CTNND2: variants seen among roughly 807,000 people sequenced by gnomAD.
The protein encoded by CTNND2 is catenin delta 2.
In CTNND2, 22 loss-of-function variants were observed where a neutral mutation model predicts 144.4. The observed-to-expected ratio is 0.15, with a 90% confidence interval of 0.11 to 0.22. The LOEUF is 0.22. Among genes scored for constraint, CTNND2 ranks in the 10% least tolerant of loss-of-function variants. The pLI, the probability that CTNND2 is intolerant of heterozygous loss-of-function variation, is 1.00. For synonymous variants in CTNND2, 751 were observed against 695.6 expected (o/e 1.08, Z -1.25); for missense variants, 1,353 against 1,618.8 (o/e 0.84, Z 2.82).
chr5:11,826,328 T>A (rs1231012691), intron 1 of CTNND2, among the ~76,000 whole-genome samples: 2 of 152,020 alleles, frequency 1.3e-5, no homozygotes, highest in Non-Finnish European at 2.9e-5. Context: ...ATCCTATAAC[T>A]ACTAGGTAAA....
intron 2 of CTNND2, among the ~76,000 whole-genome samples, chr5:11,671,421 T>G (rs1445152239): frequency 6.6e-6 from 1 of 152,120 alleles, no homozygotes; most frequent in Non-Finnish European, 1.5e-5. Context: ...ACCAATCAAA[T>G]GTAGATTTGG....
chr5:11,345,250 T>C (rs1367534581), intron 9 of CTNND2, among the ~76,000 whole-genome samples: 1 of 152,182 alleles, frequency 6.6e-6, no homozygotes, highest in Non-Finnish European at 1.5e-5. Flanking sequence ...ACTGAAAATC[T>C]AGATAACCAG....
rs149661032 is a variant in CTNND2 at position 11,103,538 on chromosome 5, C to T, written c.2464-4790G>A. On this transcript the variant is annotated intron_variant, in intron 14 of 21. Coordinates refer to ENST00000304623, the MANE Select transcript of CTNND2 (RefSeq NM_001332.4). ...TACAAAAATCAGCTGGGTGTGGTGGCGCACACCTGTAATTCCAGCTACTCA... is the reference window on the plus strand; with the variant it reads ...TACAAAAATCAGCTGGGTGTGGTGGTGCACACCTGTAATTCCAGCTACTCA... 4.7e-3 allele frequency among the ~76,000 whole-genome samples: 709 copies of T among 151,880 alleles called. 11 individuals carry two copies. Among genetic ancestry groups the T allele is most frequent in the African/African-American group, 0.016 (658 of 41,414 alleles).
At chr5:11,893,869 T>C (rs1419349499) in intron 1 of CTNND2, among the ~76,000 whole-genome samples, 2 of 152,214 alleles carry the variant, frequency 1.3e-5, no homozygotes, top group Non-Finnish European at 2.9e-5. Flanking sequence ...AGATCATATC[T>C]GAAATTGCTA....
At chr5:11,615,271 C>A (rs577748354) in intron 2 of CTNND2, among the ~76,000 whole-genome samples, 28 of 152,134 alleles carry the variant, frequency 1.8e-4, no homozygotes, top group Middle Eastern at 3.4e-3. Context: ...TTGCAATGGC[C>A]TAATAACTGA....
intron 10 of CTNND2, among the ~76,000 whole-genome samples, chr5:11,215,850 T>C (rs888175253): frequency 2.0e-5 from 3 of 152,222 alleles, no homozygotes. Flanking sequence ...AATATAGATA[T>C]GCTTACAGGG....
At chr5:11,752,908 G>A (rs1186951539) in intron 1 of CTNND2, among the ~76,000 whole-genome samples, 1 of 151,776 alleles carries the variant, frequency 6.6e-6, no homozygotes, top group Non-Finnish European at 1.5e-5. Flanking sequence ...CTGGTTAGCT[G>A]CATTCCTAGG....
chr5:11,162,240 G>T (rs1758844639), intron 11 of CTNND2, among the ~76,000 whole-genome samples: 2 of 152,106 alleles, frequency 1.3e-5, no homozygotes, highest in Admixed American at 1.3e-4. Flanking sequence ...AAATCTCAAG[G>T]CTTTCTATGA....
intron 12 of CTNND2, among the ~76,000 whole-genome samples, chr5:11,129,124 T>TAAA (rs1755181916): frequency 6.9e-5 from 1 of 14,530 alleles, no homozygotes; most frequent in African/African-American, 1.6e-4. Flanking sequence ...TTATATATAA[T>TAAA]ATATATTTAT....
intron 9 of CTNND2, among the ~76,000 whole-genome samples, chr5:11,341,433 C>G (rs979251163): frequency 6.6e-6 from 1 of 152,172 alleles, no homozygotes; most frequent in Non-Finnish European, 1.5e-5. Flanking sequence ...AACTGATAAA[C>G]GACCTCCGGC....
chr5:11,500,811 A>T (rs181843989), intron 3 of CTNND2, among the ~76,000 whole-genome samples: 2 of 152,358 alleles, frequency 1.3e-5, no homozygotes, highest in African/African-American at 4.8e-5. Flanking sequence ...TTATGTGAAG[A>T]ACATAAATAG....
Position 11,088,506 on chromosome 5 carries a change from A to AT in CTNND2, c.2638-5661dup, listed in dbSNP as rs1047261358. 9.4e-4 allele frequency among the ~76,000 whole-genome samples: 143 copies of AT among 151,692 alleles called. 1 individual carries two copies. The highest frequency in any genetic ancestry group is 3.1e-3 in the African/African-American group (129 of 41,348). On this transcript the variant is annotated intron_variant, in intron 15 of 21. Coordinates refer to ENST00000304623, the MANE Select transcript of CTNND2 (RefSeq NM_001332.4). ...AAGTCAGAAAACTTTTCATCTACAT[A>AT]TTTTTTTTTCTCTTTAAACATAGTG... is the stretch of plus-strand genomic sequence containing the variant.
At chr5:11,640,605 C>T (rs547679798) in intron 2 of CTNND2, among the ~76,000 whole-genome samples, 3 of 152,316 alleles carry the variant, frequency 2.0e-5, no homozygotes, top group African/African-American at 4.8e-5. Flanking sequence ...CAAACCTGCA[C>T]GTGCCCTATG....
At position 11,556,188 on chromosome 5, in the gene CTNND2, T is replaced by C. The variant is rs528476299; in HGVS notation, c.287+8756A>G. Among the ~76,000 whole-genome samples the C allele has an allele frequency of 1.7e-4, 26 of 152,296 alleles. No individual in the cohort carries two copies. In the South Asian group the frequency reaches 4.4e-3, roughly 25 times the overall value. On this transcript the variant is annotated intron_variant, in intron 3 of 21. Transcript: ENST00000304623. The stretch of plus-strand genomic sequence containing the variant: ...TCCAAAAGCAATCTAACTTTTTTTT[T>C]CCACCTGGCAAATGTGTACTCGCTG...
intron 9 of CTNND2, among the ~76,000 whole-genome samples, chr5:11,333,264 T>C (rs559056911): frequency 6.6e-6 from 1 of 152,282 alleles, no homozygotes; most frequent in South Asian, 2.1e-4. Flanking sequence ...TCTATTCTTT[T>C]CTTTTTTTTG....
At chr5:11,698,442 C>A (rs1002842357) in intron 2 of CTNND2, among the ~76,000 whole-genome samples, 1 of 152,046 alleles carries the variant, frequency 6.6e-6, no homozygotes. Context: ...GCATGCGCCA[C>A]CACGTCCAGC....
chr5:11,309,145 C>T (rs117000481), intron 9 of CTNND2, among the ~76,000 whole-genome samples: 2 of 152,312 alleles, frequency 1.3e-5, no homozygotes, highest in East Asian at 1.9e-4. Flanking sequence ...CATCAGCACC[C>T]GCACAGAGTT....
chr5:11,619,998 A>C (rs1780757214), intron 2 of CTNND2, among the ~76,000 whole-genome samples: 2 of 152,226 alleles, frequency 1.3e-5, no homozygotes, highest in African/African-American at 4.8e-5. Context: ...TAATGTATGA[A>C]ATGCATTTCA....
chr5:11,563,858 TA>T, intron 3 of CTNND2, among the ~76,000 whole-genome samples: 1 of 152,220 alleles, frequency 6.6e-6, no homozygotes, highest in Non-Finnish European at 1.5e-5. Context: ...GAACAATGAA[TA>T]CAAAGACATT....
Sources: gnomAD v4.1 joint callset for allele counts (sites outside exome capture counted in the v4.1 genomes callset) on GRCh38, gnomAD v4.1.1 for gene constraint, MANE v1.5 for transcripts, NCBI Gene and HGNC (gene_info 2026-07-23, HGNC 2026-07-21) for gene names.